Variants in NUDT3 observed in about 807,000 individuals in gnomAD.
NUDT3 encodes diphosphoinositol polyphosphate phosphohydrolase 1.
In NUDT3, 9 loss-of-function variants were observed where a neutral mutation model predicts 23.6. That is an observed-to-expected ratio of 0.38 (90% confidence interval 0.23 to 0.66). The LOEUF (loss-of-function observed/expected upper bound fraction) is 0.66, where lower values mean the gene tolerates loss of function less well. Ranked by LOEUF, NUDT3 falls within the 30% of genes least tolerant of loss-of-function variation. The probability of loss-of-function intolerance (pLI) is 0.52; values close to 1 mark genes in which losing one functional copy is unlikely to be tolerated. For synonymous variants in NUDT3, 86 were observed against 82.6 expected, an observed-to-expected ratio of 1.04 and a Z score of -0.22; for missense variants, 172 against 218.5, an observed-to-expected ratio of 0.79 and a Z score of 1.34.
intron 2 of NUDT3, among the ~76,000 whole-genome samples, chr6:34,308,505 A>T (rs1402259597): frequency 6.6e-6 from 1 of 152,084 alleles, no homozygotes; most frequent in Non-Finnish European, 1.5e-5. Context: ...GTGCATCACA[A>T]AACAAGAGTC....
intron 1 of NUDT3, among the ~76,000 whole-genome samples, chr6:34,352,204 G>A (rs979328273): frequency 2.0e-5 from 3 of 151,866 alleles, no homozygotes; most frequent in South Asian, 2.1e-4. Flanking sequence ...TCACTCTGTC[G>A]CCCATGCTGG....
At chr6:34,366,140 G>C (rs1212658197) in intron 1 of NUDT3, among the ~76,000 whole-genome samples, 2 of 151,272 alleles carry the variant, frequency 1.3e-5, no homozygotes, top group African/African-American at 4.8e-5. Flanking sequence ...ACCAAGGCCA[G>C]CAGATCACTT....
intron 1 of NUDT3, among the ~76,000 whole-genome samples, chr6:34,387,715 GA>G (rs1765130123): frequency 7.0e-6 from 1 of 143,112 alleles, no homozygotes; most frequent in Non-Finnish European, 1.5e-5. Context: ...AGTATGACAG[GA>G]AAGAAAGAGA....
At chr6:34,375,372 A>G (rs1432031447) in intron 1 of NUDT3, among the ~76,000 whole-genome samples, 3 of 152,178 alleles carry the variant, frequency 2.0e-5, no homozygotes, top group Middle Eastern at 6.8e-3. Context: ...AAAAAATAAA[A>G]AAGTTACCAG....
At chr6:34,375,711 T>G (rs1323257330) in intron 1 of NUDT3, among the ~76,000 whole-genome samples, 1 of 152,192 alleles carries the variant, frequency 6.6e-6, no homozygotes. Flanking sequence ...TTTATCCACC[T>G]TCCAATCTCC....
intron 2 of NUDT3, among the ~76,000 whole-genome samples, chr6:34,339,705 T>C (rs1333013182): frequency 6.6e-6 from 1 of 152,264 alleles, no homozygotes; most frequent in African/African-American, 2.4e-5. Context: ...ACTTTTGCCC[T>C]ATAATGGCAG....
intron 1 of NUDT3, among the ~76,000 whole-genome samples, chr6:34,375,069 G>T (rs189514878): frequency 6.6e-6 from 1 of 152,094 alleles, no homozygotes; most frequent in African/African-American, 2.4e-5. Context: ...GAGTTCGGCC[G>T]GGCGCTGTGG....
intron 2 of NUDT3, among the ~76,000 whole-genome samples, chr6:34,319,305 C>T (rs1763905859): frequency 6.6e-6 from 1 of 152,182 alleles, no homozygotes; most frequent in South Asian, 2.1e-4. Flanking sequence ...CAACACCCTC[C>T]TTCCTACCAG....
chr6:34,326,053 T>C (rs929024573), intron 2 of NUDT3, among the ~76,000 whole-genome samples: 1 of 152,274 alleles, frequency 6.6e-6, no homozygotes, highest in African/African-American at 2.4e-5. Flanking sequence ...CCATAGGCCA[T>C]AGGCCATACA....
rs548127891 is a variant in NUDT3 at position 34,338,364 on chromosome 6, T to A, written c.210+3498A>T. ...CCAGACATTCTCCTAGGAGCCAGTC[T>A]TTTGTGCCAGAGTTAGCTACTCTGC... On this transcript the variant is annotated intron_variant, in intron 2 of 4. Coordinates refer to ENST00000607016, the MANE Select transcript of NUDT3 (RefSeq NM_006703.4). Among the ~76,000 whole-genome samples, 4 of 152,300 alleles carry A rather than the reference T, an allele frequency of 2.6e-5. No individual in the cohort carries two copies. The South Asian group carries it at 8.3e-4, about 32-fold the overall frequency.
At chr6:34,384,025 T>G (rs1294746452) in intron 1 of NUDT3, among the ~76,000 whole-genome samples, 1 of 152,212 alleles carries the variant, frequency 6.6e-6, no homozygotes, top group African/African-American at 2.4e-5. Flanking sequence ...CCTTGGGATC[T>G]GCTGGAAGCC....
chr6:34,361,544 G>C (rs891577799), intron 1 of NUDT3, among the ~76,000 whole-genome samples: 5 of 152,140 alleles, frequency 3.3e-5, no homozygotes, highest in Non-Finnish European at 5.9e-5. Context: ...CAAAAAGTCA[G>C]AAACTTAAGT....
At chr6:34,309,231 A>AG (rs1232447105) in intron 2 of NUDT3, among the ~76,000 whole-genome samples, 2 of 152,176 alleles carry the variant, frequency 1.3e-5, no homozygotes, top group East Asian at 3.8e-4. Flanking sequence ...AAGAAAAAAA[A>AG]GAAAGAAGTC....
At chr6:34,357,626 C>CA (rs34996824) in intron 1 of NUDT3, among the ~76,000 whole-genome samples, 25,937 of 122,394 alleles carry the variant, frequency 0.21, 3,660 homozygotes, top group East Asian at 0.48. Context: ...CTGCACCCTG[C>CA]AAAAAAAAAA....
intron 1 of NUDT3, among the ~76,000 whole-genome samples, chr6:34,355,806 G>A (rs1764552667): frequency 6.6e-6 from 1 of 151,916 alleles, no homozygotes; most frequent in Non-Finnish European, 1.5e-5. Context: ...AAGAAATTTG[G>A]ATAAAAACTC....
At chr6:34,376,961 T>A (rs893447883) in intron 1 of NUDT3, among the ~76,000 whole-genome samples, 1 of 152,096 alleles carries the variant, frequency 6.6e-6, no homozygotes, top group African/African-American at 2.4e-5. Context: ...AACAAACTCA[T>A]TCCCACCCTC....
chr6:34,369,900 T>A (rs1037699072), intron 1 of NUDT3, among the ~76,000 whole-genome samples: 1 of 152,096 alleles, frequency 6.6e-6, no homozygotes, highest in Non-Finnish European at 1.5e-5. Flanking sequence ...ATGCCACTGG[T>A]GAAAGGTACA....
chr6:34,390,538 A>T (rs537161437), intron 1 of NUDT3, among the ~76,000 whole-genome samples: 142 of 150,804 alleles, frequency 9.4e-4, no homozygotes, highest in Middle Eastern at 3.5e-3. Flanking sequence ...TATTATTATT[A>T]TTTTTTTTTA....
chr6:34,293,677 T>A (rs374313663), intron 3 of NUDT3, 142 bp from the exon 4 acceptor site: 1 of 942,590 alleles, frequency 1.1e-6, no homozygotes, highest in Middle Eastern at 2.2e-4. Flanking sequence ...CCTACAGTTA[T>A]AGCTACATGA....
Sources: allele counts gnomAD v4.1 joint callset (sites outside exome capture counted in the v4.1 genomes callset), GRCh38; gene constraint gnomAD v4.1.1; transcripts MANE v1.5; gene names NCBI Gene and HGNC (gene_info 2026-07-23, HGNC 2026-07-21).